The following ADGRL3 variants were observed in gnomAD, a reference collection of about 807,000 sequenced individuals.
ADGRL3 encodes the protein calcium-independent alpha-latrotoxin receptor 3.
In ADGRL3, 62 loss-of-function variants were observed where a neutral mutation model predicts 153.5. The ratio of observed to expected loss-of-function variants is 0.40; its 90% CI spans 0.33 to 0.50. ADGRL3 has a LOEUF of 0.50. Among genes scored for constraint, ADGRL3 ranks in the 20% least tolerant of loss-of-function variants. The pLI is 0.47. For synonymous variants in ADGRL3, 710 were observed against 672.5 expected (o/e 1.06, Z -0.86); for missense variants, 1,641 against 1,859.4 (o/e 0.88, Z 2.16).
chr4:61,900,756 T>C (rs2098660048), intron 11 of ADGRL3, among the ~76,000 whole-genome samples: 1 of 152,086 alleles, frequency 6.6e-6, no homozygotes, highest in South Asian at 2.1e-4. Context: ...AACAGATAGA[T>C]ACATAAATAG....
intron 3 of ADGRL3, among the ~76,000 whole-genome samples, chr4:61,510,305 T>C (rs891980076): frequency 1.3e-5 from 2 of 152,204 alleles, no homozygotes; most frequent in African/African-American, 4.8e-5. Flanking sequence ...TGCAATTGTT[T>C]TTGAGGACAG....
intron 8 of ADGRL3, among the ~76,000 whole-genome samples, chr4:61,758,746 CATT>C (rs1218305672): frequency 6.6e-6 from 1 of 152,070 alleles, no homozygotes; most frequent in Non-Finnish European, 1.5e-5. Context: ...TGATTTTGCT[CATT>C]AGTTGATGCA....
intron 8 of ADGRL3, among the ~76,000 whole-genome samples, chr4:61,767,786 C>T (rs1427795942): frequency 6.6e-6 from 1 of 152,014 alleles, no homozygotes; most frequent in Admixed American, 6.5e-5. Context: ...TGGAGGAACG[C>T]CTGGCTGCTA....
chr4:62,001,754 C>T (rs1286305720), intron 21 of ADGRL3, among the ~76,000 whole-genome samples: 2 of 152,018 alleles, frequency 1.3e-5, no homozygotes, highest in Non-Finnish European at 2.9e-5. Context: ...ATATAAGTAT[C>T]ATTTATCTGG....
In ADGRL3 at chr4:62,072,705, A is replaced by C. The variant is rs941914310; in HGVS notation, c.*1797A>C. On this transcript the variant is annotated 3_prime_UTR_variant, in exon 27 of 27. Coordinates refer to ENST00000683033, the MANE Select transcript of ADGRL3 (RefSeq NM_001387552.1). Reference sequence around the variant, plus strand: ...CTTAATGTTGAGCAGGTTAACATATATGTTACTATTTGCTTATCTATAAAC... The same window carrying C: ...CTTAATGTTGAGCAGGTTAACATATCTGTTACTATTTGCTTATCTATAAAC... The C allele has an allele frequency of 6.6e-6, 1 of 152,138 alleles. No individual in the cohort carries two copies. Among genetic ancestry groups the C allele is most frequent in the Non-Finnish European group, 1.5e-5 (1 of 68,022 alleles). The allele number at this position is 152,138 out of a possible 1,614,324, so 9.4% of individuals were successfully genotyped here.
chr4:61,347,068 T>C (rs1037698621), intron 1 of ADGRL3, among the ~76,000 whole-genome samples: 6 of 152,026 alleles, frequency 3.9e-5, no homozygotes, highest in African/African-American at 1.4e-4. Context: ...TGTAAGTGTA[T>C]AGAATGTTAG....
chr4:61,990,367 A>G (rs573147882), intron 19 of ADGRL3, among the ~76,000 whole-genome samples: 1 of 152,086 alleles, frequency 6.6e-6, no homozygotes, highest in African/African-American at 2.4e-5. Flanking sequence ...AGTGGTTGCT[A>G]AGATTGGGGA....
At chr4:62,038,092 A>G (rs1726085732) in intron 24 of ADGRL3, among the ~76,000 whole-genome samples, 1 of 152,160 alleles carries the variant, frequency 6.6e-6, no homozygotes. Flanking sequence ...GATTGTTTTC[A>G]GTTCAATAAA....
intron 8 of ADGRL3, among the ~76,000 whole-genome samples, chr4:61,786,774 C>T (rs1251938531): frequency 1.3e-5 from 2 of 151,868 alleles, no homozygotes; most frequent in African/African-American, 2.4e-5. Flanking sequence ...TGCCATTTGC[C>T]CATTATGCTT....
At chr4:61,502,981 A>G (rs2098402247) in intron 3 of ADGRL3, among the ~76,000 whole-genome samples, 1 of 152,198 alleles carries the variant, frequency 6.6e-6, no homozygotes. Context: ...TTATACAGAA[A>G]AATCTGTGTC....
chr4:61,744,065 G>T (rs965876693), intron 8 of ADGRL3, among the ~76,000 whole-genome samples: 2 of 152,140 alleles, frequency 1.3e-5, no homozygotes, highest in African/African-American at 4.8e-5. Flanking sequence ...ATTATATCCC[G>T]CACCTGGCTC....
intron 9 of ADGRL3, among the ~76,000 whole-genome samples, chr4:61,889,539 A>G (rs1158502311): frequency 6.6e-6 from 1 of 152,188 alleles, no homozygotes; most frequent in Admixed American, 6.5e-5. Context: ...CCCTAAGAGT[A>G]TCTCTGGAAA....
chr4:61,681,106 C>T (rs1487904343), intron 6 of ADGRL3, among the ~76,000 whole-genome samples: 2 of 152,182 alleles, frequency 1.3e-5, no homozygotes, highest in African/African-American at 4.8e-5. Flanking sequence ...TTCCATCTTT[C>T]TTCTTCTTCT....
rs558966411 is a variant in ADGRL3 at position 61,766,450 on chromosome 4, G to A, written c.1399+32896G>A. Among the ~76,000 whole-genome samples the A allele has an allele frequency of 3.0e-4, 45 of 152,246 alleles. 1 individual carries two copies. The South Asian group carries it at 8.1e-3, about 27-fold the overall frequency. On this transcript the variant is annotated intron_variant, in intron 8 of 26. Coordinates refer to ENST00000683033, the MANE Select transcript of ADGRL3 (RefSeq NM_001387552.1). ...TGTTTGGACAGAAAGGCTACAGGGT[G>A]TGGTCCTGGCTCTTGTGTAAGAATT...
At chr4:61,992,881 T>G (rs576236026) in intron 19 of ADGRL3, among the ~76,000 whole-genome samples, 2 of 152,282 alleles carry the variant, frequency 1.3e-5, no homozygotes, top group East Asian at 3.9e-4. Context: ...AACAAAACAT[T>G]TGGTGAGATT....
chr4:61,962,715 G>A (rs1018379662), intron 17 of ADGRL3, among the ~76,000 whole-genome samples: 3 of 152,012 alleles, frequency 2.0e-5, no homozygotes, highest in Non-Finnish European at 4.4e-5. Context: ...TACTGAATTT[G>A]GATCACTTGG....
chr4:61,510,963 C>T lies in ADGRL3; in HGVS notation c.56-6352C>T, dbSNP rs147526046. The stretch of plus-strand genomic sequence containing the variant: ...TTGAGCAGTGTTTTGTAGTTCTCCT[C>T]GTAGAGATCTTTTCACCCCCCTGAT... On this transcript the variant is annotated intron_variant, in intron 3 of 26. Transcript: ENST00000683033. Among the ~76,000 whole-genome samples the T allele has an allele frequency of 5.3e-5, 8 of 152,164 alleles. No homozygotes were observed. In the East Asian group the frequency reaches 1.2e-3, roughly 22 times the overall value.
intron 5 of ADGRL3, among the ~76,000 whole-genome samples, chr4:61,663,384 T>C (rs1026039974): frequency 7.9e-5 from 12 of 152,218 alleles, no homozygotes; most frequent in Non-Finnish European, 1.8e-4. Context: ...AGAAGCTGTT[T>C]GTACTATGCC....
At chr4:61,940,138 A>T (rs1291826098) in intron 15 of ADGRL3, among the ~76,000 whole-genome samples, 2 of 102,102 alleles carry the variant, frequency 2.0e-5, no homozygotes, top group East Asian at 3.1e-4. Flanking sequence ...TGTCCATGTG[A>T]TCTCATTGTT....
Sources: allele counts gnomAD v4.1 joint callset (sites outside exome capture counted in the v4.1 genomes callset), GRCh38; gene constraint gnomAD v4.1.1; transcripts MANE v1.5; gene names NCBI Gene and HGNC (gene_info 2026-07-23, HGNC 2026-07-21).